COA8: variants seen among roughly 807,000 people sequenced by gnomAD.
COA8 encodes cytochrome c oxidase assembly factor 8.
COA8 carries 20 observed loss-of-function variants against 22.0 expected under a neutral mutation model. The observed-to-expected ratio is 0.91, with a 90% CI of 0.64 to 1.32. COA8 has a LOEUF of 1.32. Among genes scored for constraint, COA8 ranks in the 40% most tolerant of loss-of-function variants. COA8 has a pLI of 0.00. For missense variants in COA8, 266 were observed against 230.0 expected (o/e 1.16, Z -1.01); for synonymous variants, 105 against 79.9 (o/e 1.31, Z -1.68).
intron 1 of COA8, 89 bp from the exon 2 acceptor site, chr14:103,571,534 C>A: frequency 7.5e-7 from 1 of 1,331,638 alleles, no homozygotes; most frequent in Non-Finnish European, 1.0e-6. Context: ...GAGACTCCGT[C>A]TCTAAGTAAA....
At chr14:103,568,476 C>CAT (rs370140627) in intron 1 of COA8, among the ~76,000 whole-genome samples, 2 of 151,368 alleles carry the variant, frequency 1.3e-5, no homozygotes, top group African/African-American at 4.9e-5. Flanking sequence ...TACACACACA[C>CAT]ATATATACAC....
intron 2 of COA8, among the ~76,000 whole-genome samples, chr14:103,573,261 C>G (rs1358820134): frequency 6.6e-6 from 1 of 151,918 alleles, no homozygotes; most frequent in African/African-American, 2.4e-5. Flanking sequence ...CCTCCACCTC[C>G]CTGGTTCAAG....
At chr14:103,580,149 T>C in intron 3 of COA8, among the ~76,000 whole-genome samples, 1 of 152,032 alleles carries the variant, frequency 6.6e-6, no homozygotes, top group African/African-American at 2.4e-5. Flanking sequence ...CGATCGTGGC[T>C]CCCTGGAGCT....
At position 103,563,127 on chromosome 14, in the gene COA8, A is replaced by G. The variant is rs2076100787; in HGVS notation, c.123+3A>G. The G allele has an allele frequency of 6.5e-7, 1 of 1,540,140 alleles. No individual in the cohort carries two copies. The highest frequency in any genetic ancestry group is 8.7e-7 in the Non-Finnish European group (1 of 1,148,566). On this transcript the variant is annotated splice_donor_region_variant and intron_variant, in intron 1 of 4. Transcript: ENST00000409074. ...GCAGGGATACGGCGCCCAGCGGGGTAAGCAGGGGCCTGGGGACATTGGGCC... is the reference window on the plus strand; with the variant it reads ...GCAGGGATACGGCGCCCAGCGGGGTGAGCAGGGGCCTGGGGACATTGGGCC...
At position 103,574,322 on chromosome 14, in the gene COA8, C is replaced by T. The variant is rs187033388; in HGVS notation, c.385+152C>T. On this transcript the variant is annotated intron_variant, in intron 3 of 4. Transcript: ENST00000409074. ...TGCTCGGCACACCCCTGTCCAAGTTCTCTTGCACACCCAGTTCCCAGGCAT... is the reference window on the plus strand; with the variant it reads ...TGCTCGGCACACCCCTGTCCAAGTTTTCTTGCACACCCAGTTCCCAGGCAT... 2.9e-3 allele frequency: 2,856 copies of T among 982,914 alleles called. 87 individuals carry two copies. In the Admixed American group the frequency reaches 0.048, roughly 16 times the overall value. The allele number at this position is 982,914 out of a possible 1,614,324, so 60.9% of individuals were successfully genotyped here.
Position 103,568,553 on chromosome 14 carries a change from A to G in COA8, c.124-3070A>G, listed in dbSNP as rs146856930. Reference sequence around the variant, plus strand: ...TACACATATACACACACATGTACACATATACACACATATATACGTGTGTGT... The same window carrying G: ...TACACATATACACACACATGTACACGTATACACACATATATACGTGTGTGT... On this transcript the variant is annotated intron_variant, in intron 1 of 4. Transcript: ENST00000409074. Among the ~76,000 whole-genome samples the G allele has an allele frequency of 1.5e-4, 22 of 142,990 alleles. No homozygotes were observed. The East Asian group carries it at 4.2e-3, about 28-fold the overall frequency. 93.8% of individuals were successfully genotyped at this position (142,990 alleles called of 152,430 possible). A position where few individuals can be genotyped will look rare whatever the true frequency, so the allele number is the denominator to read the frequency against.
At chr14:103,586,592 C>T (rs1012093672) in intron 3 of COA8, among the ~76,000 whole-genome samples, 2 of 150,634 alleles carry the variant, frequency 1.3e-5, no homozygotes, top group Non-Finnish European at 2.9e-5. Flanking sequence ...CGGCCCAGCC[C>T]GGCCTCCCAA....
intron 4 of COA8, chr14:103,587,892 C>G: frequency 6.4e-6 from 1 of 156,062 alleles, no homozygotes; most frequent in African/African-American, 2.4e-5. Context: ...CACCTGTAAT[C>G]CCAGCACTTT....
intron 1 of COA8, among the ~76,000 whole-genome samples, chr14:103,565,196 G>C (rs549453478): frequency 6.6e-6 from 1 of 152,040 alleles, no homozygotes; most frequent in East Asian, 1.9e-4. Context: ...CTGACTTCAG[G>C]TGATCCACCC....
chr14:103,571,427 T>C (rs563801550), intron 1 of COA8, among the ~76,000 whole-genome samples, 196 bp from the exon 2 acceptor site: 2 of 152,240 alleles, frequency 1.3e-5, no homozygotes, highest in Middle Eastern at 3.4e-3. Flanking sequence ...GCTGTTATTA[T>C]TTAAACCAGA....
chr14:103,571,623 G>A lies in COA8; in HGVS notation c.124G>A (p.Val42Ile). 3.7e-6 allele frequency: 6 copies of A among 1,612,744 alleles called. No homozygotes were observed. Among genetic ancestry groups the A allele is most frequent in the Non-Finnish European group, 5.1e-6 (6 of 1,179,106 alleles). ...AERRDTAPSG[V>I]SRFCPPRKSC... Reference sequence around the variant, plus strand: ...GTTAATCCAATTTACTTTGTTAAAGGTCTCAAGATTCTGCCCTCCAAGAAA... The same window carrying A: ...GTTAATCCAATTTACTTTGTTAAAGATCTCAAGATTCTGCCCTCCAAGAAA... The change falls in exon 2 of 5, where the codon GTC (valine) becomes ATC (isoleucine). Residue 42 changes from valine to isoleucine, a missense_variant and splice_region_variant. Physicochemically the swap from Val to Ile is conservative, Grantham distance 29. Coordinates refer to ENST00000409074, the MANE Select transcript of COA8 (RefSeq NM_001370595.2).
intron 3 of COA8, among the ~76,000 whole-genome samples, chr14:103,583,456 T>C (rs12589494): frequency 0.58 from 87,444 of 149,784 alleles, 25,810 homozygotes; most frequent in Non-Finnish European, 0.64. Flanking sequence ...CAGGAGAATT[T>C]GCTGGAACCC....
In COA8 at chr14:103,579,212, G is replaced by A. The variant is rs538953462; in HGVS notation, c.385+5042G>A. 6.6e-5 allele frequency among the ~76,000 whole-genome samples: 10 copies of A among 152,182 alleles called. No homozygotes were observed. The South Asian group carries it at 2.1e-3, about 32-fold the overall frequency. ...CCCCCAGTGAATGCCTAAGACTGAG[G>A]CTAGTACCAAGCCCTGTATGTACAC... On this transcript the variant is annotated intron_variant, in intron 3 of 4. Coordinates refer to ENST00000409074, the MANE Select transcript of COA8 (RefSeq NM_001370595.2).
At chr14:103,587,149 T>C (rs2076313763) in intron 3 of COA8, 125 bp from the exon 4 acceptor site, 2 of 587,236 alleles carry the variant, frequency 3.4e-6, no homozygotes, top group East Asian at 5.6e-5. Flanking sequence ...AGAAATACAA[T>C]TGATGTTTGT....
chr14:103,584,772 T>C (rs2076293215), intron 3 of COA8, among the ~76,000 whole-genome samples: 1 of 152,196 alleles, frequency 6.6e-6, no homozygotes, highest in Non-Finnish European at 1.5e-5. Flanking sequence ...GTTGAGCATC[T>C]TGTCATGTGC....
chr14:103,588,428 A>G (rs2076326719), intron 4 of COA8: 3 of 369,654 alleles, frequency 8.1e-6, no homozygotes, highest in South Asian at 1.5e-4. Flanking sequence ...TGGATGGCAG[A>G]CAGAGTAAGA....
intron 3 of COA8, among the ~76,000 whole-genome samples, chr14:103,576,437 G>C (rs1049645508): frequency 6.6e-6 from 1 of 152,232 alleles, no homozygotes; most frequent in Non-Finnish European, 1.5e-5. Context: ...CTGAGCTTGA[G>C]GGTGAAGACA....
intron 3 of COA8, among the ~76,000 whole-genome samples, chr14:103,580,499 T>G (rs1461792212): frequency 1.3e-5 from 2 of 151,600 alleles, no homozygotes; most frequent in Non-Finnish European, 2.9e-5. Context: ...TTTTTGTGGT[T>G]TTTTTTGTTT....
At position 103,571,687 on chromosome 14, in the gene COA8, C is replaced by G. The variant is rs2076186407; in HGVS notation, c.188C>G (p.Ser63Ter). 1.2e-6 allele frequency: 2 copies of G among 1,614,186 alleles called. No individual in the cohort carries two copies. Among genetic ancestry groups the G allele is most frequent in the South Asian group, 2.2e-5 (2 of 91,086 alleles). The part of the protein sequence containing the change: ...HDWIGPPDKY[S>*]NLRPVHFYIP... ...TGGATAGGACCCCCAGATAAATATT[C>G]AAACCTTCGACCTGTTCACTTTTAC... The change falls in exon 2 of 5, where the codon TCA becomes TGA. Residue 63 changes from serine to a stop codon, truncating the protein, a stop_gained. Coordinates refer to ENST00000409074, the MANE Select transcript of COA8 (RefSeq NM_001370595.2). LOFTEE classifies it high-confidence loss of function.
Sources: allele counts gnomAD v4.1 joint callset (sites outside exome capture counted in the v4.1 genomes callset), GRCh38; gene constraint gnomAD v4.1.1; transcripts MANE v1.5; gene names NCBI Gene and HGNC (gene_info 2026-07-23, HGNC 2026-07-21).